Variants in GANC observed in about 807,000 individuals in gnomAD.
GANC encodes the protein glucosidase alpha, neutral C.
A neutral mutation model predicts 124.2 loss-of-function variants in GANC; 117 were observed. The observed-to-expected ratio is 0.94, with a 90% CI of 0.81 to 1.10. GANC has a LOEUF of 1.10. Among genes scored for constraint, GANC ranks in the 50% least tolerant of loss-of-function variants. The pLI is 0.00. For synonymous variants in GANC, 377 were observed against 376.8 expected, an observed-to-expected ratio of 1.00 and a Z score of -0.01; for missense variants, 1,140 against 1,095.0, an observed-to-expected ratio of 1.04 and a Z score of -0.58.
intron 2 of GANC, among the ~76,000 whole-genome samples, chr15:42,277,413 C>G (rs1040380882): frequency 1.3e-5 from 2 of 151,374 alleles, no homozygotes; most frequent in Admixed American, 1.3e-4. Context: ...GCCTGTAATC[C>G]CAGCTACTTG....
chr15:42,313,973 C>CAAT (rs2052080011), intron 10 of GANC: 2 of 660,514 alleles, frequency 3.0e-6, no homozygotes, highest in East Asian at 5.4e-5. Context: ...GCAACAACAA[C>CAAT]AACAAAATTA....
intron 10 of GANC, chr15:42,314,098 T>C (rs1660210224): frequency 2.7e-6 from 2 of 729,912 alleles, no homozygotes; most frequent in Non-Finnish European, 5.0e-6. Context: ...GAAAAATAGC[T>C]CTCAGTCTGA....
chr15:42,332,779 C>T (rs1255927816), intron 15 of GANC, among the ~76,000 whole-genome samples: 5 of 149,514 alleles, frequency 3.3e-5, no homozygotes, highest in South Asian at 2.1e-4. Context: ...TTTGGGAGGC[C>T]GAGGCGGGTG....
intron 3 of GANC, chr15:42,280,821 C>T: frequency 1.6e-6 from 1 of 633,368 alleles, no homozygotes; most frequent in Non-Finnish European, 2.8e-6. Context: ...CAGCGTGATA[C>T]CAGTTTGCGG....
chr15:42,343,282 A>G (rs1383552888), intron 19 of GANC, 128 bp downstream of exon 19: 3 of 751,730 alleles, frequency 4.0e-6, no homozygotes, highest in East Asian at 2.7e-5. Flanking sequence ...AGTAATTATT[A>G]TAATAAGTCA....
chr15:42,306,453 T>G, intron 6 of GANC, 93 bp from the exon 7 acceptor site: 1 of 1,007,990 alleles, frequency 9.9e-7, no homozygotes, highest in Non-Finnish European at 1.5e-6. Context: ...TTCTCAGTCT[T>G]TTAAAAAAAT....
chr15:42,305,944 G>T (rs2051990888), intron 6 of GANC, among the ~76,000 whole-genome samples: 1 of 152,058 alleles, frequency 6.6e-6, no homozygotes, highest in Non-Finnish European at 1.5e-5. Context: ...GGTCTGTTGG[G>T]GGATGGGGGG....
intron 19 of GANC, among the ~76,000 whole-genome samples, chr15:42,343,853 C>G (rs28513568): frequency 6.6e-6 from 1 of 152,036 alleles, no homozygotes; most frequent in African/African-American, 2.4e-5. Flanking sequence ...GGTCACCAGA[C>G]TAAGGGAGGA....
chr15:42,334,949 G>A (rs1048212934), intron 15 of GANC, among the ~76,000 whole-genome samples: 1 of 151,936 alleles, frequency 6.6e-6, no homozygotes, highest in Non-Finnish European at 1.5e-5. Context: ...GACTAATAAC[G>A]AGCTCCAAAA....
At chr15:42,314,083 T>C (rs1419028509) in intron 10 of GANC, 2 of 719,668 alleles carry the variant, frequency 2.8e-6, no homozygotes, top group Admixed American at 1.9e-5. Flanking sequence ...TTTACAGACA[T>C]TGGAGAAAAA....
rs1403713506 is a variant in GANC at position 42,310,713 on chromosome 15, C to T, written c.924C>T (p.Gly308=). 1.2e-6 allele frequency: 2 copies of T among 1,612,902 alleles called. No homozygotes were observed. Among genetic ancestry groups the T allele is most frequent in the South Asian group, 1.1e-5 (1 of 91,068 alleles). ...PAVEYTLTQM[G]PVAAKQKVRS... ...TCCAGTACACACTGACCCAGATGGG[C>T]CCAGTTGCTGCTAAACAAAAGGTCA... is the stretch of plus-strand genomic sequence containing the variant. The change falls in exon 10 of 24, where the codon GGC becomes GGT. Residue 308 remains glycine, a synonymous_variant. Coordinates refer to ENST00000318010, the MANE Select transcript of GANC (RefSeq NM_198141.3).
At chr15:42,299,189 T>C (rs2051920888) in intron 6 of GANC, among the ~76,000 whole-genome samples, 1 of 152,140 alleles carries the variant, frequency 6.6e-6, no homozygotes, top group Non-Finnish European at 1.5e-5. Context: ...AGTGTGATAT[T>C]GGCTGTGGGT....
chr15:42,282,684 C>T (rs910274364), intron 3 of GANC, among the ~76,000 whole-genome samples: 1 of 152,178 alleles, frequency 6.6e-6, no homozygotes, highest in Admixed American at 6.5e-5. Context: ...CTCTCAATTC[C>T]CTTCCCCAAT....
intron 16 of GANC, among the ~76,000 whole-genome samples, chr15:42,339,305 AACAC>A (rs60116980): frequency 0.14 from 16,931 of 118,972 alleles, 1,171 homozygotes; most frequent in East Asian, 0.21. Flanking sequence ...ACCCCCCTCC[AACAC>A]ACACACACAC....
intron 19 of GANC, chr15:42,344,900 A>G (rs2052352292): frequency 6.6e-6 from 1 of 152,158 alleles, no homozygotes; most frequent in African/African-American, 2.4e-5. Flanking sequence ...TCATCATTCC[A>G]AACACGTCGT....
intron 10 of GANC, among the ~76,000 whole-genome samples, chr15:42,319,887 A>G (rs2052141745): frequency 6.6e-6 from 1 of 152,150 alleles, no homozygotes; most frequent in Non-Finnish European, 1.5e-5. Context: ...GTGTTCAAAA[A>G]GTTTCAGATT....
intron 15 of GANC, among the ~76,000 whole-genome samples, chr15:42,337,276 C>T (rs552648683): frequency 3.9e-5 from 6 of 152,072 alleles, no homozygotes; most frequent in African/African-American, 9.7e-5. Flanking sequence ...AAATGTGGTA[C>T]GTATACACCA....
In GANC at chr15:42,326,324, C is replaced by T. The variant is rs773161406; in HGVS notation, c.1320C>T (p.Ile440=). ...RKLVVISDPH[I]KIDPDYSVYV... is the part of the protein sequence containing the mutation. Reference sequence around the variant, plus strand: ...TTGTGGTCATCAGTGATCCCCACATCAAGATTGATCCTGACTACTCAGTAT... The same window carrying T: ...TTGTGGTCATCAGTGATCCCCACATTAAGATTGATCCTGACTACTCAGTAT... The change falls in exon 12 of 24, where the codon ATC becomes ATT. Residue 440 remains isoleucine, a synonymous_variant. Coordinates refer to ENST00000318010, the MANE Select transcript of GANC (RefSeq NM_198141.3). 3 of 1,613,880 alleles carry T rather than the reference C, an allele frequency of 1.9e-6. No homozygotes were observed. The East Asian group carries it at 6.7e-5, about 36-fold the overall frequency.
At chr15:42,331,458 T>C (rs1392829127) in intron 15 of GANC, among the ~76,000 whole-genome samples, 1 of 152,200 alleles carries the variant, frequency 6.6e-6, no homozygotes, top group African/African-American at 2.4e-5. Flanking sequence ...CAGATCTGGT[T>C]CAACTTAACA....
Sources: allele counts gnomAD v4.1 joint callset (sites outside exome capture counted in the v4.1 genomes callset), GRCh38; gene constraint gnomAD v4.1.1; transcripts MANE v1.5; gene names NCBI Gene and HGNC (gene_info 2026-07-23, HGNC 2026-07-21).